Variants in SCN8A observed in about 807,000 individuals in gnomAD.
SCN8A encodes the protein sodium voltage-gated channel alpha subunit 8.
SCN8A carries 30 observed loss-of-function variants against 184.1 expected under a neutral mutation model. The ratio of observed to expected loss-of-function variants is 0.16; its 90% CI spans 0.12 to 0.22. The LOEUF is 0.22. Ranked by LOEUF, SCN8A falls within the 10% of genes least tolerant of loss-of-function variation. The probability of loss-of-function intolerance (pLI) is 1.00; values close to 1 mark genes in which losing one functional copy is unlikely to be tolerated. For synonymous variants in SCN8A, 852 were observed against 907.0 expected, an observed-to-expected ratio of 0.94 and a Z score of 1.09; for missense variants, 1,057 against 2,498.9, an observed-to-expected ratio of 0.42 and a Z score of 12.30.
At chr12:51,753,119 G>A (rs1397723337) in intron 14 of SCN8A, among the ~76,000 whole-genome samples, 2 of 152,104 alleles carry the variant, frequency 1.3e-5, no homozygotes, top group Non-Finnish European at 2.9e-5. Flanking sequence ...TAAGTATGCA[G>A]AAGACTTTGC....
intron 1 of SCN8A, among the ~76,000 whole-genome samples, chr12:51,603,884 A>G (rs1939524457): frequency 6.6e-6 from 1 of 152,166 alleles, no homozygotes; most frequent in Non-Finnish European, 1.5e-5. Context: ...TGTTTTGCCC[A>G]TTAAAAAAAA....
chr12:51,612,546 T>C (rs1173831316), intron 1 of SCN8A, among the ~76,000 whole-genome samples: 1 of 152,226 alleles, frequency 6.6e-6, no homozygotes, highest in East Asian at 1.9e-4. Flanking sequence ...CAGGAATGAA[T>C]GTTGAATTTT....
intron 26 of SCN8A, among the ~76,000 whole-genome samples, chr12:51,801,216 TGACA>T (rs1938547716): frequency 6.6e-6 from 1 of 152,216 alleles, no homozygotes; most frequent in Non-Finnish European, 1.5e-5. Context: ...ACCTTGCCTT[TGACA>T]GTTGAGTGCC....
intron 1 of SCN8A, among the ~76,000 whole-genome samples, chr12:51,618,698 G>T (rs1592332543): frequency 6.6e-6 from 1 of 152,090 alleles, no homozygotes; most frequent in Non-Finnish European, 1.5e-5. Context: ...CTTATCTGGA[G>T]TGAGAAACTT....
intron 1 of SCN8A, among the ~76,000 whole-genome samples, chr12:51,647,603 T>C (rs1317463281): frequency 2.6e-5 from 4 of 152,216 alleles, no homozygotes; most frequent in Non-Finnish European, 5.9e-5. Context: ...CTTGATGTTA[T>C]CAAGAGAGGC....
intron 12 of SCN8A, among the ~76,000 whole-genome samples, chr12:51,727,284 C>T (rs936854600): frequency 1.3e-5 from 2 of 151,910 alleles, no homozygotes; most frequent in African/African-American, 4.8e-5. Context: ...AGGGTTTTTC[C>T]TCCAAGGCTT....
chr12:51,779,239 A>T (rs974595553), intron 20 of SCN8A, among the ~76,000 whole-genome samples: 2 of 144,312 alleles, frequency 1.4e-5, no homozygotes, highest in African/African-American at 5.0e-5. Flanking sequence ...AAAAAAAAAT[A>T]GAAACCCAGA....
intron 1 of SCN8A, among the ~76,000 whole-genome samples, chr12:51,592,953 C>A (rs1331752390): frequency 6.6e-6 from 1 of 151,940 alleles, no homozygotes; most frequent in Non-Finnish European, 1.5e-5. Context: ...TTATTCTTTT[C>A]TCAAAAAAAA....
chr12:51,774,104 G>A, intron 19 of SCN8A, 85 bp from the exon 20 acceptor site: 1 of 1,260,242 alleles, frequency 7.9e-7, no homozygotes. Flanking sequence ...CAGCCCATGT[G>A]GGACGGCTCC....
At chr12:51,799,001 C>T (rs916044076) in intron 26 of SCN8A, among the ~76,000 whole-genome samples, 1 of 152,226 alleles carries the variant, frequency 6.6e-6, no homozygotes, top group Non-Finnish European at 1.5e-5. Flanking sequence ...GGAAGATTTC[C>T]CTTCAGTGCT....
intron 1 of SCN8A, among the ~76,000 whole-genome samples, chr12:51,630,221 T>G (rs186726750): frequency 0.011 from 1,650 of 152,118 alleles, 14 homozygotes; most frequent in Non-Finnish European, 0.016. Context: ...TTCCAGAAGG[T>G]TTTTATCTTC....
At chr12:51,702,736 A>G (rs1941712251) in intron 8 of SCN8A, 37 bp from the exon 9 acceptor site, 2 of 1,498,120 alleles carry the variant, frequency 1.3e-6, no homozygotes, top group Non-Finnish European at 1.8e-6. Context: ...GGGTGGAATT[A>G]TGTTGAAAAG....
intron 2 of SCN8A, among the ~76,000 whole-genome samples, chr12:51,680,872 C>T (rs1422530464): frequency 2.6e-5 from 4 of 151,964 alleles, no homozygotes; most frequent in African/African-American, 4.8e-5. Flanking sequence ...GGCGTGGTGG[C>T]AGGTGCCTGT....
intron 1 of SCN8A, among the ~76,000 whole-genome samples, chr12:51,607,871 T>G (rs981511559): frequency 6.6e-6 from 1 of 152,188 alleles, no homozygotes; most frequent in African/African-American, 2.4e-5. Context: ...TCATCAAGGA[T>G]ATCTGTCTAT....
At chr12:51,672,087 C>T (rs1198643587) in intron 2 of SCN8A, among the ~76,000 whole-genome samples, 1 of 152,096 alleles carries the variant, frequency 6.6e-6, no homozygotes, top group Non-Finnish European at 1.5e-5. Flanking sequence ...TTCCGTCTTT[C>T]CTCTCATATA....
At chr12:51,770,346 C>T in intron 18 of SCN8A, 183 bp from the exon 19 acceptor site, 3 of 672,756 alleles carry the variant, frequency 4.5e-6, no homozygotes, top group Non-Finnish European at 7.4e-6. Context: ...GCCCCATTAG[C>T]CTTTGCAGCA....
chr12:51,627,998 A>T (rs764836113), intron 1 of SCN8A, among the ~76,000 whole-genome samples: 1 of 152,232 alleles, frequency 6.6e-6, no homozygotes, highest in African/African-American at 2.4e-5. Context: ...AAAGCAGGAT[A>T]TATGCAAGTG....
At chr12:51,636,829 T>A (rs1188058490) in intron 1 of SCN8A, among the ~76,000 whole-genome samples, 1 of 152,248 alleles carries the variant, frequency 6.6e-6, no homozygotes, top group Admixed American at 6.5e-5. Flanking sequence ...AAGGCACTTA[T>A]AACCAAGTAA....
chr12:51,742,667 T>C (rs553221214), intron 12 of SCN8A, among the ~76,000 whole-genome samples: 1 of 152,082 alleles, frequency 6.6e-6, no homozygotes, highest in African/African-American at 2.4e-5. Flanking sequence ...ATTAGATGCC[T>C]TGAGGTAGTC....
Sources: allele counts gnomAD v4.1 joint callset (sites outside exome capture counted in the v4.1 genomes callset), GRCh38; gene constraint gnomAD v4.1.1; transcripts MANE v1.5; gene names NCBI Gene and HGNC (gene_info 2026-07-23, HGNC 2026-07-21).